ANKRA2: variants seen among roughly 807,000 people sequenced by gnomAD.
The protein encoded by ANKRA2 is ankyrin repeat family A member 2, also known as ankyrin repeat family A protein 2.
In ANKRA2, 33 loss-of-function variants were observed where a neutral mutation model predicts 37.8. That is an observed-to-expected ratio of 0.87 (90% CI 0.66 to 1.17). The LOEUF is 1.17. Ranked by LOEUF, ANKRA2 falls within the 50% of genes most tolerant of loss-of-function variation. The pLI, the probability that ANKRA2 is intolerant of heterozygous loss-of-function variation, is 0.00. For missense variants in ANKRA2, 326 were observed against 373.7 expected (o/e 0.87, Z 1.05); for synonymous variants, 126 against 132.3 (o/e 0.95, Z 0.33).
At chr5:73,561,508 G>GT (rs1245359441) in intron 2 of ANKRA2, 23 of 448,974 alleles carry the variant, frequency 5.1e-5, no homozygotes, top group Non-Finnish European at 8.5e-5. Context: ...GCTCACGCCT[G>GT]TAACCCCAGC....
At chr5:73,561,321 G>GC (rs1747548686) in intron 2 of ANKRA2, 33 bp from the exon 3 acceptor site, 1 of 1,581,444 alleles carries the variant, frequency 6.3e-7, no homozygotes, top group East Asian at 2.2e-5. Context: ...CACATTAAAA[G>GC]CATTTCAGTA....
chr5:73,556,312 C>G (rs1381185613), intron 4 of ANKRA2, among the ~76,000 whole-genome samples: 1 of 152,100 alleles, frequency 6.6e-6, no homozygotes, highest in Admixed American at 6.6e-5. Flanking sequence ...TATTCATAAA[C>G]AAACAGAAAT....
At chr5:73,556,773 C>T (rs1275673912) in intron 4 of ANKRA2, among the ~76,000 whole-genome samples, 1 of 151,884 alleles carries the variant, frequency 6.6e-6, no homozygotes, top group Non-Finnish European at 1.5e-5. Flanking sequence ...TAATATATAG[C>T]AGGTAGGTCA....
intron 3 of ANKRA2, among the ~76,000 whole-genome samples, chr5:73,557,909 T>C (rs558539495): frequency 2.6e-5 from 4 of 152,210 alleles, no homozygotes; most frequent in Non-Finnish European, 5.9e-5. Context: ...AAACCCTGTC[T>C]CTACAAAAAA....
At position 73,552,394 on chromosome 5, in the gene ANKRA2, C is replaced by T. The variant is rs1371018538; in HGVS notation, c.*403G>A. On this transcript the variant is annotated 3_prime_UTR_variant, in exon 9 of 9. Coordinates refer to ENST00000296785, the MANE Select transcript of ANKRA2 (RefSeq NM_023039.5). The stretch of plus-strand genomic sequence containing the variant: ...ATTTTGTAAACAATCACACTGTGCA[C>T]TTTTTTATTCAACAATAAGAACAAT... The T allele has an allele frequency of 6.4e-6, 1 of 155,514 alleles. No homozygotes were observed. Among genetic ancestry groups the T allele is most frequent in the East Asian group, 1.9e-4 (1 of 5,272 alleles). 9.6% of individuals were successfully genotyped at this position (155,514 alleles called of 1,614,324 possible).
At chr5:73,560,326 T>TGAAAAATACAAAA (rs1747514158) in intron 3 of ANKRA2, among the ~76,000 whole-genome samples, 1 of 152,138 alleles carries the variant, frequency 6.6e-6, no homozygotes, top group Non-Finnish European at 1.5e-5. Flanking sequence ...AATTTACTCT[T>TGAAAAATACAAAA]TTAGCAATTT....
At chr5:73,552,971 A>G in intron 8 of ANKRA2, 119 bp from the exon 9 acceptor site, 1 of 810,534 alleles carries the variant, frequency 1.2e-6, no homozygotes, top group South Asian at 1.7e-5. Context: ...AGCAGGATAC[A>G]TACATAGCCT....
Position 73,555,576 on chromosome 5 carries a change from A to G in ANKRA2, c.524T>C (p.Ile175Thr), listed in dbSNP as rs1747378481. ...AAATCCTTCTTCATCCGTGTGATTG[A>G]TAACATTTTCTATTTAAAAGAAAAG... Reference protein sequence around the residue: ...LATRIEQENVINHTDEEGFTP... With the variant: ...LATRIEQENVTNHTDEEGFTP... Residue 175 changes from isoleucine to threonine, a missense_variant, in exon 5 of 9, where the codon ATC (isoleucine) becomes ACC (threonine). Ile to Thr is a moderately conservative substitution (Grantham distance 89). Coordinates refer to ENST00000296785, the MANE Select transcript of ANKRA2 (RefSeq NM_023039.5). 1.9e-6 allele frequency: 3 copies of G among 1,613,660 alleles called. No homozygotes were observed. The highest frequency in any genetic ancestry group is 1.7e-6 in the Non-Finnish European group (2 of 1,179,848).
At chr5:73,555,440 T>G in intron 5 of ANKRA2, 48 bp downstream of exon 5, 1 of 1,605,478 alleles carries the variant, frequency 6.2e-7, no homozygotes, top group Non-Finnish European at 8.5e-7. Flanking sequence ...TACTAAAGAC[T>G]TAACTTAAGT....
rs564353473 is a variant in ANKRA2, at chr5:73,553,407, A to C, written c.885T>G (p.Ser295Arg). 1 of 1,609,926 alleles carries C rather than the reference A, an allele frequency of 6.2e-7. No homozygotes were observed. Among genetic ancestry groups the C allele is most frequent in the East Asian group, 2.2e-5 (1 of 44,790 alleles). The change falls in exon 8 of 9, where the codon AGT (serine) becomes AGG (arginine). Residue 295 changes from serine (S) to arginine (R), a missense_variant and splice_region_variant. Physicochemically the swap from Ser to Arg is moderately radical, Grantham distance 110. Coordinates refer to ENST00000296785, the MANE Select transcript of ANKRA2 (RefSeq NM_023039.5). ...ACACAGGAGTTCTAACATACTTACC[A>C]CTTCTATAGCCTAGGGCTACAGCTA... ...MDLAVALGYRSVQQVIESHLL... is the reference protein window; with the variant it reads ...MDLAVALGYRRVQQVIESHLL...
chr5:73,562,894 A>G lies in ANKRA2; in HGVS notation c.-13T>C. 3 of 1,580,596 alleles carry G rather than the reference A, an allele frequency of 1.9e-6. No individual in the cohort carries two copies. The highest frequency in any genetic ancestry group is 2.3e-5 in the South Asian group (2 of 86,832). On this transcript the variant is annotated 5_prime_UTR_variant, in exon 2 of 9. Coordinates refer to ENST00000296785, the MANE Select transcript of ANKRA2 (RefSeq NM_023039.5). ...TTGATGTATCCATGATTTCAACTGT[A>G]GTTTCAATAACTAAAACATTTCTTC... is the stretch of plus-strand genomic sequence containing the variant.
At chr5:73,557,092 G>C in intron 4 of ANKRA2, among the ~76,000 whole-genome samples, 1 of 88,558 alleles carries the variant, frequency 1.1e-5, no homozygotes, top group African/African-American at 3.5e-5. Context: ...TAAAACTTAA[G>C]GGGGGCAGTT....
chr5:73,560,242 A>C (rs77532637), intron 3 of ANKRA2, among the ~76,000 whole-genome samples: 2,443 of 152,344 alleles, frequency 0.016, 64 homozygotes, highest in African/African-American at 0.055. Context: ...ATATGTTTAC[A>C]TTATGGAATG....
At chr5:73,563,128 G>A (rs939792658) in intron 1 of ANKRA2, 143 bp from the exon 2 acceptor site, 13 of 316,544 alleles carry the variant, frequency 4.1e-5, no homozygotes, top group Non-Finnish European at 6.4e-5. Flanking sequence ...CAGAGGTAGA[G>A]AAACCTGGGT....
intron 4 of ANKRA2, 158 bp downstream of exon 4, chr5:73,557,417 T>A: frequency 1.2e-5 from 1 of 85,726 alleles, no homozygotes; most frequent in Non-Finnish European, 2.4e-5. Context: ...ATTCCTTTTT[T>A]TTTTTTTTTT....
Position 73,554,311 on chromosome 5 carries a change from T to C in ANKRA2, c.805+11A>G, listed in dbSNP as rs1270740431. On this transcript the variant is annotated intron_variant, in intron 7 of 8. Transcript: ENST00000296785. Reference sequence around the variant, plus strand: ...CCTCACATGGCATTTTCTAAATTTTTATCTGCTTACCTAAGAGCATCTTTA... The same window carrying C: ...CCTCACATGGCATTTTCTAAATTTTCATCTGCTTACCTAAGAGCATCTTTA... 6.2e-7 allele frequency: 1 copy of C among 1,611,854 alleles called. No homozygotes were observed. The highest frequency in any genetic ancestry group is 8.5e-7 in the Non-Finnish European group (1 of 1,178,372).
At chr5:73,561,982 G>A (rs569531890) in intron 2 of ANKRA2, among the ~76,000 whole-genome samples, 11 of 152,060 alleles carry the variant, frequency 7.2e-5, no homozygotes, top group East Asian at 3.9e-4. Flanking sequence ...TGGATATTAC[G>A]CTAATTCATC....
Position 73,561,168 on chromosome 5 carries a change from C to T in ANKRA2, c.410G>A (p.Arg137Lys). The T allele has an allele frequency of 6.2e-7, 1 of 1,613,892 alleles. No homozygotes were observed. The highest frequency in any genetic ancestry group is 8.5e-7 in the Non-Finnish European group (1 of 1,179,944). Residue 137 changes from arginine (R) to lysine (K), a missense_variant, in exon 3 of 9, where the codon AGA becomes AAA. This residue lies in a region of ANKRA2 where 228 missense variants were observed against 260.2 expected (regional missense o/e 0.88). Coordinates refer to ENST00000296785, the MANE Select transcript of ANKRA2 (RefSeq NM_023039.5). ...AGGTGTGGTAGAGACCTCATTTCCT[C>T]TGTGTTTGTTGGTTAAAGTGGTTGA... ...KQSTTLTNKH[R>K]GNEVSTTPLL...
At chr5:73,563,599 C>A (rs237118) in intron 1 of ANKRA2, among the ~76,000 whole-genome samples, 98,845 of 152,042 alleles carry the variant, frequency 0.65, 32,895 homozygotes, top group East Asian at 0.83. Flanking sequence ...ATTTTTGTTC[C>A]GATTAAGCAT....
Sources: allele counts gnomAD v4.1 joint callset (sites outside exome capture counted in the v4.1 genomes callset), GRCh38; gene constraint gnomAD v4.1.1; regional missense constraint gnomAD v4.1.1; transcripts MANE v1.5; gene names NCBI Gene and HGNC (gene_info 2026-07-23, HGNC 2026-07-21).